The following ELMO1 variants were observed in gnomAD, a reference collection of about 807,000 sequenced individuals.
ELMO1 encodes engulfment and cell motility protein 1.
ELMO1 carries 26 observed loss-of-function variants against 98.9 expected under a neutral mutation model. The observed-to-expected ratio is 0.26, with a 90% confidence interval of 0.19 to 0.36. The LOEUF (loss-of-function observed/expected upper bound fraction) is 0.36, where lower values mean the gene tolerates loss of function less well. Among genes scored for constraint, ELMO1 ranks in the 10% least tolerant of loss-of-function variants. The pLI, the probability that ELMO1 is intolerant of heterozygous loss-of-function variation, is 1.00. For missense variants in ELMO1, 627 were observed against 935.2 expected (o/e 0.67, Z 4.30); for synonymous variants, 346 against 346.0 (o/e 1.00, Z 0.00).
At chr7:37,004,709 G>C (rs17420242) in intron 16 of ELMO1, among the ~76,000 whole-genome samples, 12,128 of 152,234 alleles carry the variant, frequency 0.08, 596 homozygotes, top group Middle Eastern at 0.19. Context: ...TTTTATAAAT[G>C]CTCCTGTTAT....
In ELMO1 at chr7:37,213,463, G is replaced by T. The variant is rs759491687; in HGVS notation, c.832-6C>A. On this transcript the variant is annotated splice_polypyrimidine_tract_variant and splice_region_variant and intron_variant, in intron 11 of 21. Transcript: ENST00000310758. Reference sequence around the variant, plus strand: ...CGCTGGGCTCGGATGACATGCTAGGGAGATGGTTCACAAATGAAATTTTTT... The same window carrying T: ...CGCTGGGCTCGGATGACATGCTAGGTAGATGGTTCACAAATGAAATTTTTT... 8.6e-5 allele frequency: 138 copies of T among 1,607,250 alleles called. No homozygotes were observed. The highest frequency in any genetic ancestry group is 1.1e-4 in the Non-Finnish European group (135 of 1,177,926).
At chr7:36,995,470 T>C (rs1584490385) in intron 16 of ELMO1, among the ~76,000 whole-genome samples, 2 of 151,394 alleles carry the variant, frequency 1.3e-5, no homozygotes, top group Admixed American at 1.3e-4. Flanking sequence ...ATCACGCCAC[T>C]GCACTCTACC....
rs569720389 is a variant in ELMO1, at chr7:37,143,839, T to C, written c.1087-10605A>G. Among the ~76,000 whole-genome samples, 12 of 151,278 alleles carry C rather than the reference T, an allele frequency of 7.9e-5. No homozygotes were observed. The South Asian group carries it at 2.5e-3, about 32-fold the overall frequency. On this transcript the variant is annotated intron_variant, in intron 13 of 21. Transcript: ENST00000310758. ...AATTCTCCTGTCTCAGCCTCCCAAGTAGCTGGGATTACAGGCATGCGTCAC... is the reference window on the plus strand; with the variant it reads ...AATTCTCCTGTCTCAGCCTCCCAAGCAGCTGGGATTACAGGCATGCGTCAC...
intron 8 of ELMO1, among the ~76,000 whole-genome samples, chr7:37,230,912 GTACTT>G (rs1794135654): frequency 6.6e-6 from 1 of 152,174 alleles, no homozygotes; most frequent in Non-Finnish European, 1.5e-5. Context: ...TGGCAGGAAA[GTACTT>G]TATAACACAT....
At chr7:36,984,360 T>C (rs1791335827) in intron 16 of ELMO1, among the ~76,000 whole-genome samples, 1 of 152,234 alleles carries the variant, frequency 6.6e-6, no homozygotes, top group African/African-American at 2.4e-5. Flanking sequence ...TGACCAGGTG[T>C]CCCTGATGCA....
chr7:36,976,773 G>A (rs776025847), intron 16 of ELMO1, among the ~76,000 whole-genome samples: 26 of 152,328 alleles, frequency 1.7e-4, no homozygotes, highest in Admixed American at 3.9e-4. Context: ...TTTAATGTAC[G>A]TGTGGAAGCT....
Position 37,272,303 on chromosome 7 carries a change from T to C in ELMO1, c.193-421A>G, listed in dbSNP as rs376912417. ...AGCCAAAACGTAGAAACAATACATA[T>C]GTCCATTACTTGATAAATGGATAAG... On this transcript the variant is annotated intron_variant, in intron 4 of 21. Transcript: ENST00000310758. 4.9e-4 allele frequency among the ~76,000 whole-genome samples: 75 copies of C among 152,304 alleles called. 1 individual carries two copies. Among genetic ancestry groups the C allele is most frequent in the African/African-American group, 1.4e-3 (60 of 41,566 alleles).
intron 13 of ELMO1, among the ~76,000 whole-genome samples, chr7:37,147,273 T>TGATCCC (rs1193451498): frequency 6.6e-6 from 1 of 152,156 alleles, no homozygotes; most frequent in African/African-American, 2.4e-5. Flanking sequence ...CAATAGATTC[T>TGATCCC]AAGCCCCCTG....
At chr7:36,981,142 C>G (rs778583911) in intron 16 of ELMO1, among the ~76,000 whole-genome samples, 2 of 146,106 alleles carry the variant, frequency 1.4e-5, no homozygotes, top group Non-Finnish European at 3.0e-5. Context: ...GAGGACTGAG[C>G]TTAGAGTGAG....
intron 20 of ELMO1, among the ~76,000 whole-genome samples, chr7:36,867,055 G>A (rs144419416): frequency 7.7e-4 from 117 of 152,220 alleles, no homozygotes; most frequent in African/African-American, 2.8e-3. Flanking sequence ...TTGAAATTCT[G>A]CTAGTCTTAT....
Position 37,233,151 on chromosome 7 carries a change from G to A in ELMO1, c.493C>T (p.Leu165=). 6.2e-7 allele frequency: 1 copy of A among 1,613,656 alleles called. No individual in the cohort carries two copies. Among genetic ancestry groups the A allele is most frequent in the Non-Finnish European group, 8.5e-7 (1 of 1,179,780 alleles). ...CAGGACACTATGCCATGGTCCATCA[G>A]CTCAACGAAGGCCGTCAGGGTGAAG... The part of the protein sequence containing the change: ...LSFTLTAFVE[L]MDHGIVSWDT... The change falls in exon 8 of 22, where the codon CTG becomes TTG. Residue 165 remains leucine (L), a synonymous_variant. Transcript: ENST00000310758.
chr7:37,111,260 A>T (rs1355345993), intron 14 of ELMO1, among the ~76,000 whole-genome samples: 1 of 152,204 alleles, frequency 6.6e-6, no homozygotes, highest in Admixed American at 6.5e-5. Context: ...CATTGAAAAG[A>T]TCAGCACACG....
At chr7:37,081,018 G>A (rs1251604998) in intron 15 of ELMO1, among the ~76,000 whole-genome samples, 1 of 151,964 alleles carries the variant, frequency 6.6e-6, no homozygotes, top group Non-Finnish European at 1.5e-5. Context: ...TTCACCATAT[G>A]ACATACTTCT....
At chr7:37,091,111 G>C (rs776853427) in intron 15 of ELMO1, among the ~76,000 whole-genome samples, 1 of 152,068 alleles carries the variant, frequency 6.6e-6, no homozygotes, top group African/African-American at 2.4e-5. Context: ...ATTTACTTAT[G>C]TTTTTAGTTT....
intron 13 of ELMO1, among the ~76,000 whole-genome samples, chr7:37,192,466 T>C (rs1192186674): frequency 1.6e-5 from 2 of 124,952 alleles, no homozygotes; most frequent in African/African-American, 6.3e-5. Flanking sequence ...CTGAACTCCA[T>C]CCAGCCTGGC....
chr7:37,446,224 A>G (rs560472276), intron 1 of ELMO1, among the ~76,000 whole-genome samples: 2 of 152,366 alleles, frequency 1.3e-5, no homozygotes, highest in South Asian at 4.1e-4. Flanking sequence ...GAGCACCGAC[A>G]TCATGCTAAG....
At chr7:37,273,699 A>G (rs2130865861) in intron 4 of ELMO1, among the ~76,000 whole-genome samples, 1 of 152,196 alleles carries the variant, frequency 6.6e-6, no homozygotes, top group African/African-American at 2.4e-5. Flanking sequence ...CGCATGCCCT[A>G]CCTGGTATGC....
chr7:37,448,523 G>A (rs1805756125), intron 1 of ELMO1, among the ~76,000 whole-genome samples, 152 bp downstream of exon 1: 2 of 151,602 alleles, frequency 1.3e-5, no homozygotes, highest in Non-Finnish European at 2.9e-5. Context: ...CCCGAGCCGC[G>A]GCGCCCCCAG....
intron 2 of ELMO1, among the ~76,000 whole-genome samples, chr7:37,325,172 C>A (rs1799733742): frequency 6.6e-6 from 1 of 152,338 alleles, no homozygotes; most frequent in South Asian, 2.1e-4. Flanking sequence ...CCTCCTTCTT[C>A]CTTAAAGTGA....
Sources: gnomAD v4.1 joint callset for allele counts (sites outside exome capture counted in the v4.1 genomes callset) on GRCh38, gnomAD v4.1.1 for gene constraint, MANE v1.5 for transcripts, NCBI Gene and HGNC (gene_info 2026-07-23, HGNC 2026-07-21) for gene names.